BCAS3: variants seen among roughly 807,000 people sequenced by gnomAD.
The protein encoded by BCAS3 is BCAS4/BCAS3 fusion.
A neutral mutation model predicts 116.1 loss-of-function variants in BCAS3; 53 were observed. The observed-to-expected ratio is 0.46, with a 90% CI of 0.37 to 0.57. BCAS3 has a LOEUF of 0.57. Ranked by LOEUF, BCAS3 falls within the 20% of genes least tolerant of loss-of-function variation. BCAS3 has a pLI of 0.00. For missense variants in BCAS3, 917 were observed against 1,165.4 expected (o/e 0.79, Z 3.10); for synonymous variants, 391 against 408.2 (o/e 0.96, Z 0.51).
chr17:60,737,474 G>A (rs563801373), intron 5 of BCAS3, among the ~76,000 whole-genome samples: 1 of 152,042 alleles, frequency 6.6e-6, no homozygotes, highest in African/African-American at 2.4e-5. Flanking sequence ...TTTTCTTTAA[G>A]GTGGAAGGTT....
intron 22 of BCAS3, among the ~76,000 whole-genome samples, chr17:61,296,084 G>C (rs557808104): frequency 6.6e-6 from 1 of 152,300 alleles, no homozygotes; most frequent in Admixed American, 6.5e-5. Context: ...AAATGAGTTT[G>C]GTTTTGCCAG....
At chr17:60,791,519 C>T (rs1002421392) in intron 6 of BCAS3, among the ~76,000 whole-genome samples, 8 of 151,484 alleles carry the variant, frequency 5.3e-5, no homozygotes, top group African/African-American at 1.7e-4. Context: ...CTGGGCATGG[C>T]GGCGCATGTC....
At chr17:61,183,079 G>A (rs1165519854) in intron 22 of BCAS3, among the ~76,000 whole-genome samples, 1 of 152,090 alleles carries the variant, frequency 6.6e-6, no homozygotes, top group Non-Finnish European at 1.5e-5. Context: ...CCTTCTTTCA[G>A]GATCCTCCTA....
At chr17:60,746,745 A>G (rs769062653) in intron 5 of BCAS3, among the ~76,000 whole-genome samples, 5 of 152,194 alleles carry the variant, frequency 3.3e-5, no homozygotes, top group Admixed American at 6.6e-5. Flanking sequence ...TTGCCTAACC[A>G]TAAGTATACC....
chr17:60,791,605 G>A (rs984888421), intron 6 of BCAS3, among the ~76,000 whole-genome samples: 2 of 152,138 alleles, frequency 1.3e-5, no homozygotes, highest in Admixed American at 6.5e-5. Flanking sequence ...AGTGAGCTAT[G>A]ATGTCCAGCC....
chr17:61,191,450 C>T (rs747692413), intron 22 of BCAS3, among the ~76,000 whole-genome samples: 7 of 151,960 alleles, frequency 4.6e-5, no homozygotes, highest in Non-Finnish European at 8.8e-5. Flanking sequence ...CTTGTAGAAA[C>T]GACGCAAGAT....
chr17:60,817,185 G>A (rs139817685), intron 7 of BCAS3, among the ~76,000 whole-genome samples: 18 of 152,206 alleles, frequency 1.2e-4, no homozygotes, highest in South Asian at 8.3e-4. Flanking sequence ...GTTTTGTTTC[G>A]TTGTGTTTTG....
At chr17:60,947,679 G>C (rs1466557122) in intron 14 of BCAS3, among the ~76,000 whole-genome samples, 1 of 152,032 alleles carries the variant, frequency 6.6e-6, no homozygotes, top group Non-Finnish European at 1.5e-5. Context: ...CCTTTTACTA[G>C]GCATTTGGAT....
chr17:60,854,055 C>A (rs905132814), intron 7 of BCAS3, among the ~76,000 whole-genome samples: 12 of 152,084 alleles, frequency 7.9e-5, no homozygotes, highest in African/African-American at 2.9e-4. Context: ...CCCCCCTCCC[C>A]CAACCCCACG....
chr17:60,688,839 A>G (rs1304992469), intron 3 of BCAS3: 2 of 152,372 alleles, frequency 1.3e-5, no homozygotes, highest in Admixed American at 6.6e-5. Context: ...AAGAAAGAAA[A>G]AAACATGCTT....
At position 61,017,353 on chromosome 17, in the gene BCAS3, G is replaced by A. The variant is rs2065528295; in HGVS notation, c.1637+1452G>A. Among the ~76,000 whole-genome samples, 3 of 152,020 alleles carry A rather than the reference G, an allele frequency of 2.0e-5. No individual in the cohort carries two copies. Among genetic ancestry groups the A allele is most frequent in the African/African-American group, 7.2e-5 (3 of 41,408 alleles). On this transcript the variant is annotated intron_variant, in intron 16 of 23. Coordinates refer to ENST00000407086, the MANE Select transcript of BCAS3 (RefSeq NM_017679.5). The surrounding 1 kb of genome is among the most constrained non-coding windows in gnomAD (Gnocchi z 4.7). The stretch of plus-strand genomic sequence containing the variant: ...CTTTTTTACTTACTGAAGTTAGTCA[G>A]TACATAATTGTATCATCTTGATTCA...
At chr17:60,862,524 C>T (rs543738153) in intron 7 of BCAS3, among the ~76,000 whole-genome samples, 4 of 152,140 alleles carry the variant, frequency 2.6e-5, no homozygotes, top group Non-Finnish European at 5.9e-5. Flanking sequence ...TTAATTTCTT[C>T]CTGATTCAAT....
intron 4 of BCAS3, among the ~76,000 whole-genome samples, chr17:60,693,500 G>A (rs923047703): frequency 2.7e-5 from 4 of 150,666 alleles, no homozygotes; most frequent in African/African-American, 9.8e-5. Context: ...CTGCAGCCCC[G>A]ACCTTCTGGG....
chr17:60,890,898 T>C (rs2057099657), intron 10 of BCAS3, among the ~76,000 whole-genome samples: 1 of 152,230 alleles, frequency 6.6e-6, no homozygotes, highest in African/African-American at 2.4e-5. Flanking sequence ...AAGCCAAATC[T>C]ACTAAATTTC....
intron 22 of BCAS3, among the ~76,000 whole-genome samples, chr17:61,202,775 T>C (rs2080914498): frequency 6.6e-6 from 1 of 152,210 alleles, no homozygotes; most frequent in Admixed American, 6.5e-5. Flanking sequence ...CTCAAAAGCA[T>C]GTCTTGTTGT....
chr17:60,734,518 G>T (rs2040776425), intron 5 of BCAS3, among the ~76,000 whole-genome samples: 1 of 152,168 alleles, frequency 6.6e-6, no homozygotes, highest in South Asian at 2.1e-4. Context: ...AGGGTGTAAG[G>T]TCTGTGTCTA....
chr17:61,003,789 T>C lies in BCAS3; in HGVS notation c.1487-11962T>C, dbSNP rs559108356. On this transcript the variant is annotated intron_variant, in intron 15 of 23. Transcript: ENST00000407086. ...TAATAATTCATTTTTATTTTATTCA[T>C]TTTTATTCAGCTAATCAACAAATCA... 5 of 152,316 alleles carry C rather than the reference T, an allele frequency of 3.3e-5. No individual in the cohort carries two copies. In the South Asian group the frequency reaches 1.0e-3, roughly 32 times the overall value. The allele number at this position is 152,316 out of a possible 1,614,324, so 9.4% of individuals were successfully genotyped here.
chr17:60,957,395 G>C (rs946702994), intron 14 of BCAS3, among the ~76,000 whole-genome samples: 2 of 152,018 alleles, frequency 1.3e-5, no homozygotes, highest in Non-Finnish European at 1.5e-5. Flanking sequence ...ATATTTCCTA[G>C]TTATGGTTTT....
chr17:61,333,350 C>G lies in BCAS3; in HGVS notation c.2426-34977C>G, dbSNP rs2056442328. Among the ~76,000 whole-genome samples the G allele has an allele frequency of 6.6e-6, 1 of 152,198 alleles. No individual in the cohort carries two copies. Among genetic ancestry groups the G allele is most frequent in the African/African-American group, 2.4e-5 (1 of 41,456 alleles). ...ATCTCTGCCTGTAATCTTCAGAGGG[C>G]ACCAGTTCTTACCAGACAATAGCTG... is the stretch of plus-strand genomic sequence containing the variant. On this transcript the variant is annotated intron_variant, in intron 22 of 23. Transcript: ENST00000407086. This position sits in a 1 kb window ranked among gnomAD's most constrained non-coding sequence, Gnocchi z 4.8.
Sources: allele counts gnomAD v4.1 joint callset (sites outside exome capture counted in the v4.1 genomes callset), GRCh38; gene constraint gnomAD v4.1.1; non-coding constraint Gnocchi (gnomAD v3.1); transcripts MANE v1.5; gene names NCBI Gene and HGNC (gene_info 2026-07-23, HGNC 2026-07-21).